Variants in PNPLA7 observed in about 807,000 individuals in gnomAD.
PNPLA7 encodes the protein patatin-like phospholipase domain-containing protein 7.
PNPLA7 carries 153 observed loss-of-function variants against 161.7 expected under a neutral mutation model. That is an observed-to-expected ratio of 0.95 (90% CI 0.83 to 1.08). PNPLA7 has a LOEUF of 1.08. Among genes scored for constraint, PNPLA7 ranks in the 50% least tolerant of loss-of-function variants. The probability of loss-of-function intolerance (pLI) is 0.00; values close to 1 mark genes in which losing one functional copy is unlikely to be tolerated. For synonymous variants in PNPLA7, 809 were observed against 782.1 expected, an observed-to-expected ratio of 1.03 and a Z score of -0.57; for missense variants, 1,739 against 1,856.6, an observed-to-expected ratio of 0.94 and a Z score of 1.16.
At chr9:137,484,845 A>G in intron 20 of PNPLA7, 109 bp from the exon 21 acceptor site, 1 of 1,353,256 alleles carries the variant, frequency 7.4e-7, no homozygotes, top group East Asian at 2.6e-5. Context: ...GCAGCACCAG[A>G]GGCCGCCTGG....
intron 1 of PNPLA7, among the ~76,000 whole-genome samples, chr9:137,549,338 C>T (rs547095750): frequency 3.9e-5 from 6 of 152,104 alleles, no homozygotes; most frequent in African/African-American, 7.2e-5. Flanking sequence ...GAGGCCAAGG[C>T]GGGCGGATCA....
In PNPLA7 at chr9:137,461,244, G is replaced by C. The variant is rs945114901; in HGVS notation, c.3841+292C>G. On this transcript the variant is annotated intron_variant, in intron 33 of 34. Transcript: ENST00000406427. ...GCAGCCTTCATTCCCATTTCCCACT[G>C]GGTGGGGTGGGAGGCAAAACGTGGT... The C allele has an allele frequency of 9.7e-6, 4 of 414,096 alleles. No homozygotes were observed. The Admixed American group carries it at 1.5e-4, about 16-fold the overall frequency. 25.7% of individuals were successfully genotyped at this position (414,096 alleles called of 1,614,324 possible). A position where few individuals can be genotyped will look rare whatever the true frequency, so the allele number is the denominator to read the frequency against.
intron 12 of PNPLA7, among the ~76,000 whole-genome samples, chr9:137,508,293 C>T (rs1026580715): frequency 9.2e-5 from 14 of 152,038 alleles, no homozygotes; most frequent in African/African-American, 3.1e-4. Context: ...ATCAGCCGGG[C>T]GCGGCAGCTC....
At chr9:137,507,670 AAAATAAATAAATAAAATAAAATAC>A in intron 12 of PNPLA7, among the ~76,000 whole-genome samples, 1 of 152,192 alleles carries the variant, frequency 6.6e-6, no homozygotes, top group African/African-American at 2.4e-5. Context: ...ACTGTGTCTC[AAAATAAATAAATAAAATAAAATAC>A]GGGGGCCAGG....
At chr9:137,487,140 C>T (rs1029201598) in intron 20 of PNPLA7, among the ~76,000 whole-genome samples, 6 of 152,268 alleles carry the variant, frequency 3.9e-5, no homozygotes, top group Non-Finnish European at 7.3e-5. Flanking sequence ...AGCAGGTAAG[C>T]CAGGGATGGA....
At chr9:137,536,728 G>A (rs956769692) in intron 8 of PNPLA7, among the ~76,000 whole-genome samples, 8 of 152,240 alleles carry the variant, frequency 5.3e-5, no homozygotes, top group South Asian at 2.1e-4. Context: ...AACGTAGCAT[G>A]AGGCATGGGG....
intron 26 of PNPLA7, among the ~76,000 whole-genome samples, chr9:137,466,438 C>T (rs773155910): frequency 2.7e-5 from 4 of 150,564 alleles, no homozygotes; most frequent in African/African-American, 9.8e-5. Flanking sequence ...CGCCTCCCAA[C>T]ACCGTCTCCA....
intron 26 of PNPLA7, among the ~76,000 whole-genome samples, chr9:137,466,669 T>A (rs28641033): frequency 0.026 from 1,094 of 41,804 alleles, no homozygotes; most frequent in Middle Eastern, 0.17. Context: ...GGCACGGATC[T>A]GACCACCTCC....
Position 137,460,338 on chromosome 9 carries a change from G to T in PNPLA7, c.*55C>A. The T allele has an allele frequency of 4.5e-6, 7 of 1,542,926 alleles. No homozygotes were observed. Among genetic ancestry groups the T allele is most frequent in the Non-Finnish European group, 6.2e-6 (7 of 1,128,538 alleles). On this transcript the variant is annotated 3_prime_UTR_variant, in exon 35 of 35. Transcript: ENST00000406427. ...CCCCTAGGACTTGGCAGGAGCCTCA[G>T]CCTTGGGGACAGTCCCACGGAAGAC...
intron 30 of PNPLA7, 114 bp from the exon 31 acceptor site, chr9:137,462,445 G>T: frequency 6.7e-7 from 1 of 1,488,030 alleles, no homozygotes; most frequent in Non-Finnish European, 8.9e-7. Flanking sequence ...GTAGGTTCTG[G>T]GGGGAGAGGG....
At chr9:137,544,917 A>G (rs558352227) in intron 4 of PNPLA7, among the ~76,000 whole-genome samples, 2 of 152,110 alleles carry the variant, frequency 1.3e-5, no homozygotes, top group African/African-American at 2.4e-5. Flanking sequence ...CAAAGTGCTG[A>G]GAGTACAGGC....
In PNPLA7 at chr9:137,461,857, A is replaced by G. The variant is rs1831217379; in HGVS notation, c.3756+74T>C. 16 of 1,427,658 alleles carry G rather than the reference A, an allele frequency of 1.1e-5. No individual in the cohort carries two copies. In the South Asian group the frequency reaches 2.1e-4, roughly 18 times the overall value. 88.4% of individuals were successfully genotyped at this position (1,427,658 alleles called of 1,614,324 possible). ...TGAGGAGCTGGGCGTGGCCTGATGA[A>G]CTGGGCGTGGGCGTGGCCCGAAGAA... On this transcript the variant is annotated intron_variant, in intron 32 of 34. Coordinates refer to ENST00000406427, the MANE Select transcript of PNPLA7 (RefSeq NM_001098537.3).
At chr9:137,460,570 G>A in intron 34 of PNPLA7, 64 bp downstream of exon 34, 14 of 1,592,678 alleles carry the variant, frequency 8.8e-6, no homozygotes, top group Non-Finnish European at 1.2e-5. Context: ...GGGAGTGGCC[G>A]GCACAGGGCC....
chr9:137,522,275 C>T (rs370062653), intron 9 of PNPLA7, among the ~76,000 whole-genome samples: 26 of 151,378 alleles, frequency 1.7e-4, no homozygotes, highest in Admixed American at 9.8e-4. Context: ...GGGGTTTCAC[C>T]GTGTGAGCCA....
At chr9:137,460,579 C>G in intron 34 of PNPLA7, 55 bp downstream of exon 34, 1 of 1,595,084 alleles carries the variant, frequency 6.3e-7, no homozygotes, top group Non-Finnish European at 8.6e-7. Flanking sequence ...CGGCACAGGG[C>G]CAGGCACCAA....
intron 25 of PNPLA7, among the ~76,000 whole-genome samples, chr9:137,472,554 G>T (rs1317605037): frequency 1.3e-5 from 2 of 151,022 alleles, no homozygotes; most frequent in Non-Finnish European, 3.0e-5. Flanking sequence ...GGGAGGCTGA[G>T]GCAGGAGAAT....
At position 137,540,970 on chromosome 9, in the gene PNPLA7, G is replaced by A. The variant is rs1588710804; in HGVS notation, c.667-248C>T. On this transcript the variant is annotated intron_variant, in intron 7 of 34. Coordinates refer to ENST00000406427, the MANE Select transcript of PNPLA7 (RefSeq NM_001098537.3). This position sits in a 1 kb window ranked among gnomAD's most constrained non-coding sequence, Gnocchi z 5.1. ...ACCCCACCTCTCCATCCCATGACTC[G>A]TCTTCAATGTGGGGACTGAGGCAAA... 1 of 462,228 alleles carries A rather than the reference G, an allele frequency of 2.2e-6. No homozygotes were observed. Among genetic ancestry groups the A allele is most frequent in the Admixed American group, 3.3e-5 (1 of 30,336 alleles). 28.6% of individuals were successfully genotyped at this position (462,228 alleles called of 1,614,324 possible).
intron 7 of PNPLA7, among the ~76,000 whole-genome samples, chr9:137,542,317 A>G (rs1339443897): frequency 6.6e-6 from 1 of 152,116 alleles, no homozygotes; most frequent in East Asian, 1.9e-4. Flanking sequence ...AAAAAATTTT[A>G]TAAGTGAGCT....
intron 9 of PNPLA7, among the ~76,000 whole-genome samples, chr9:137,522,081 C>T (rs1835022212): frequency 6.6e-6 from 1 of 152,134 alleles, no homozygotes. Flanking sequence ...ATATATATTA[C>T]AATTTTTTTT....
Sources: gnomAD v4.1 joint callset for allele counts (sites outside exome capture counted in the v4.1 genomes callset) on GRCh38, gnomAD v4.1.1 for gene constraint, Gnocchi (gnomAD v3.1) non-coding constraint, MANE v1.5 for transcripts, NCBI Gene and HGNC (gene_info 2026-07-23, HGNC 2026-07-21) for gene names.